The following NRXN3 variants were observed in gnomAD, a reference collection of about 807,000 sequenced individuals.
NRXN3 encodes neurexin 3, also known as neurexin III.
A neutral mutation model predicts 137.6 loss-of-function variants in NRXN3; 32 were observed. That is an observed-to-expected ratio of 0.23 (90% confidence interval 0.18 to 0.31). The LOEUF (loss-of-function observed/expected upper bound fraction) is 0.31, where lower values mean the gene tolerates loss of function less well. Among genes scored for constraint, NRXN3 ranks in the 10% least tolerant of loss-of-function variants. The pLI is 1.00. For missense variants in NRXN3, 1,574 were observed against 2,062.5 expected (o/e 0.76, Z 4.59); for synonymous variants, 798 against 784.5 (o/e 1.02, Z -0.29).
intron 15 of NRXN3, among the ~76,000 whole-genome samples, chr14:79,191,059 G>A (rs2064235941): frequency 6.6e-6 from 1 of 152,272 alleles, no homozygotes; most frequent in Middle Eastern, 3.4e-3. Flanking sequence ...GGAGATTAAC[G>A]GAAAGCCCCC....
chr14:79,216,100 G>A (rs567817423), intron 15 of NRXN3, among the ~76,000 whole-genome samples: 1 of 152,316 alleles, frequency 6.6e-6, no homozygotes, highest in African/African-American at 2.4e-5. Flanking sequence ...GAACTGAGGA[G>A]CTAGAAGTGA....
chr14:79,021,146 A>G (rs1021256687), intron 15 of NRXN3, among the ~76,000 whole-genome samples: 30 of 152,186 alleles, frequency 2.0e-4, no homozygotes, highest in Admixed American at 2.0e-3. Flanking sequence ...TACCTATGTT[A>G]TCATATTGAA....
chr14:78,520,855 G>A (rs779992699), intron 4 of NRXN3, among the ~76,000 whole-genome samples: 8 of 152,168 alleles, frequency 5.3e-5, no homozygotes, highest in Non-Finnish European at 8.8e-5. Context: ...GTTAGGAGCT[G>A]TGAAGACCCT....
At chr14:78,836,291 A>G (rs980376458) in intron 10 of NRXN3, among the ~76,000 whole-genome samples, 1 of 152,226 alleles carries the variant, frequency 6.6e-6, no homozygotes, top group Non-Finnish European at 1.5e-5. Context: ...CAGAAAAACA[A>G]CTTTCTCCTT....
At chr14:79,630,684 T>C (rs1397132389) in intron 16 of NRXN3, among the ~76,000 whole-genome samples, 1 of 152,212 alleles carries the variant, frequency 6.6e-6, no homozygotes, top group African/African-American at 2.4e-5. Flanking sequence ...TGTTGTCCTA[T>C]TTTATGCATC....
intron 10 of NRXN3, among the ~76,000 whole-genome samples, chr14:78,940,730 A>AGAAGTTGGGGGT (rs2099351424): frequency 6.6e-6 from 1 of 152,168 alleles, no homozygotes; most frequent in Non-Finnish European, 1.5e-5. Flanking sequence ...CTTCCCTTGA[A>AGAAGTTGGGGGT]CGTTTTCCCC....
intron 10 of NRXN3, among the ~76,000 whole-genome samples, chr14:78,892,137 G>T (rs1023846920): frequency 1.3e-5 from 2 of 151,956 alleles, no homozygotes; most frequent in African/African-American, 4.8e-5. Context: ...GTGGCTGGGG[G>T]TCTAGCAATT....
intron 15 of NRXN3, among the ~76,000 whole-genome samples, chr14:79,092,414 G>A (rs1164110755): frequency 2.0e-5 from 3 of 152,100 alleles, no homozygotes; most frequent in Non-Finnish European, 4.4e-5. Context: ...TCTCAAGTGG[G>A]AACCACTGTT....
chr14:78,401,841 C>T (rs149564696), intron 4 of NRXN3, among the ~76,000 whole-genome samples: 3 of 152,276 alleles, frequency 2.0e-5, no homozygotes, highest in Admixed American at 6.5e-5. Context: ...AGGCAATACA[C>T]AATAGAGGAA....
chr14:79,143,657 A>T (rs1034420458), intron 15 of NRXN3, among the ~76,000 whole-genome samples: 2 of 152,234 alleles, frequency 1.3e-5, no homozygotes, highest in African/African-American at 4.8e-5. Context: ...TTGCTTTAAG[A>T]TCTGGAAGCT....
chr14:78,569,938 T>C (rs1052049685), intron 4 of NRXN3, among the ~76,000 whole-genome samples: 1 of 152,254 alleles, frequency 6.6e-6, no homozygotes, highest in Non-Finnish European at 1.5e-5. Flanking sequence ...GATGTTGATA[T>C]CCAGGGGCCA....
intron 15 of NRXN3, among the ~76,000 whole-genome samples, chr14:79,052,140 A>G (rs2099642903): frequency 1.3e-5 from 2 of 152,210 alleles, no homozygotes; most frequent in Non-Finnish European, 2.9e-5. Flanking sequence ...GCAGTTGGGC[A>G]GAGCTGCCAC....
At chr14:78,246,395 G>T (rs796758803) in intron 2 of NRXN3, among the ~76,000 whole-genome samples, 23 of 151,968 alleles carry the variant, frequency 1.5e-4, no homozygotes, top group African/African-American at 5.1e-4. Flanking sequence ...TTCCTACAAG[G>T]TTCAGATCAT....
At chr14:78,285,267 T>A (rs763062513) in intron 3 of NRXN3, among the ~76,000 whole-genome samples, 14 of 152,240 alleles carry the variant, frequency 9.2e-5, no homozygotes, top group Non-Finnish European at 1.9e-4. Flanking sequence ...TGTTTTTTCT[T>A]TGCTATTCTT....
At chr14:79,790,977 C>A (rs534285436) in intron 19 of NRXN3, among the ~76,000 whole-genome samples, 2 of 152,254 alleles carry the variant, frequency 1.3e-5, no homozygotes, top group South Asian at 4.2e-4. Flanking sequence ...ACAACCAGAT[C>A]TCATGTGAAC....
chr14:78,815,124 G>T (rs1457263528), intron 10 of NRXN3, among the ~76,000 whole-genome samples: 1 of 152,166 alleles, frequency 6.6e-6, no homozygotes, highest in African/African-American at 2.4e-5. Context: ...ATATGTAACA[G>T]TGTCTCTCTC....
At chr14:78,570,464 C>T (rs1187147368) in intron 4 of NRXN3, among the ~76,000 whole-genome samples, 1 of 152,172 alleles carries the variant, frequency 6.6e-6, no homozygotes, top group Non-Finnish European at 1.5e-5. Flanking sequence ...TGTTTTTGAG[C>T]TGTCATGCTT....
At chr14:78,788,990 T>C (rs1168097294) in intron 8 of NRXN3, among the ~76,000 whole-genome samples, 1 of 152,190 alleles carries the variant, frequency 6.6e-6, no homozygotes, top group Non-Finnish European at 1.5e-5. Context: ...CTCTGCACAA[T>C]AGAGCTTTCT....
intron 15 of NRXN3, among the ~76,000 whole-genome samples, chr14:79,374,675 A>G (rs2094208567): frequency 6.6e-6 from 1 of 152,086 alleles, no homozygotes; most frequent in Non-Finnish European, 1.5e-5. Flanking sequence ...ATTGCCAACT[A>G]AAGTATCTCT....
Sources: allele counts gnomAD v4.1 joint callset (sites outside exome capture counted in the v4.1 genomes callset), GRCh38; gene constraint gnomAD v4.1.1; transcripts MANE v1.5; gene names NCBI Gene and HGNC (gene_info 2026-07-23, HGNC 2026-07-21).